The following NARS2 variants were observed in gnomAD, a reference collection of about 807,000 sequenced individuals.
The protein encoded by NARS2 is asparaginyl-tRNA synthetase.
Under a neutral mutation model 62.9 loss-of-function variants are expected in NARS2, and 60 were observed. The ratio of observed to expected loss-of-function variants is 0.95; its 90% CI spans 0.77 to 1.18. NARS2 has a LOEUF of 1.18. Among genes scored for constraint, NARS2 ranks in the 50% most tolerant of loss-of-function variants. The pLI is 0.00. For synonymous variants in NARS2, 196 were observed against 200.0 expected (o/e 0.98, Z 0.17); for missense variants, 619 against 576.4 (o/e 1.07, Z -0.76).
chr11:78,509,193 A>C (rs562267509), intron 6 of NARS2, among the ~76,000 whole-genome samples: 13 of 152,284 alleles, frequency 8.5e-5, no homozygotes, highest in Admixed American at 4.6e-4. Flanking sequence ...GATACATTCA[A>C]AGTGCTAAAA....
At chr11:78,449,716 A>G (rs1857897161) in intron 11 of NARS2, among the ~76,000 whole-genome samples, 2 of 152,264 alleles carry the variant, frequency 1.3e-5, no homozygotes, top group South Asian at 4.1e-4. Context: ...GGAGGCCTCA[A>G]CTGTGCACTG....
intron 12 of NARS2, among the ~76,000 whole-genome samples, chr11:78,441,844 T>C (rs968542180): frequency 7.2e-5 from 11 of 152,248 alleles, no homozygotes; most frequent in Non-Finnish European, 1.5e-4. Flanking sequence ...TGAGGCTGCC[T>C]TCATAATATG....
chr11:78,481,568 A>G (rs1848292606), intron 7 of NARS2, among the ~76,000 whole-genome samples: 1 of 152,196 alleles, frequency 6.6e-6, no homozygotes, highest in South Asian at 2.1e-4. Flanking sequence ...TTCCAGCAGA[A>G]TAAGAAAATC....
chr11:78,451,346 T>C (rs567228405), intron 11 of NARS2, among the ~76,000 whole-genome samples: 1 of 152,342 alleles, frequency 6.6e-6, no homozygotes, highest in East Asian at 1.9e-4. Context: ...GGCTAGTTAC[T>C]AGAAAAACTA....
intron 6 of NARS2, among the ~76,000 whole-genome samples, chr11:78,510,764 T>C (rs1443149589): frequency 6.6e-6 from 1 of 152,166 alleles, no homozygotes; most frequent in East Asian, 1.9e-4. Flanking sequence ...CTTAAAATGG[T>C]ACAACAAATG....
At chr11:78,457,336 C>T (rs1307408030) in intron 11 of NARS2, among the ~76,000 whole-genome samples, 2 of 152,174 alleles carry the variant, frequency 1.3e-5, no homozygotes, top group Admixed American at 6.5e-5. Context: ...ACACACCTGT[C>T]TTATTTTTTT....
intron 6 of NARS2, among the ~76,000 whole-genome samples, chr11:78,527,949 A>C (rs1440010881): frequency 6.6e-6 from 1 of 152,122 alleles, no homozygotes; most frequent in Non-Finnish European, 1.5e-5. Context: ...CCTCTACAAA[A>C]AATTTTAAAA....
intron 5 of NARS2, among the ~76,000 whole-genome samples, chr11:78,541,670 T>C (rs1213528363): frequency 1.3e-5 from 2 of 152,152 alleles, no homozygotes; most frequent in Non-Finnish European, 2.9e-5. Flanking sequence ...ATCATACCAC[T>C]GCACTCCAGC....
chr11:78,548,771 T>C (rs533210790), intron 5 of NARS2, among the ~76,000 whole-genome samples: 8 of 152,240 alleles, frequency 5.3e-5, no homozygotes, highest in East Asian at 1.9e-4. Context: ...CATTCCTCAG[T>C]GAAATGCGTA....
chr11:78,465,420 G>A (rs949614501), intron 11 of NARS2, among the ~76,000 whole-genome samples: 17 of 152,242 alleles, frequency 1.1e-4, no homozygotes, highest in African/African-American at 2.9e-4. Context: ...AGGAGGCGCC[G>A]AGAGCGAGAG....
At chr11:78,446,260 T>C (rs2135148954) in intron 11 of NARS2, among the ~76,000 whole-genome samples, 1 of 152,326 alleles carries the variant, frequency 6.6e-6, no homozygotes, top group South Asian at 2.1e-4. Context: ...AATTCAAGAT[T>C]GTACCCCCAG....
chr11:78,516,180 A>G (rs1247769706), intron 6 of NARS2, among the ~76,000 whole-genome samples: 1 of 152,234 alleles, frequency 6.6e-6, no homozygotes, highest in African/African-American at 2.4e-5. Context: ...AGTATAATAT[A>G]TCAAACATGA....
Position 78,515,686 on chromosome 11 carries a change from T to TAA in NARS2, c.689+13154_689+13155dup, listed in dbSNP as rs113972804. On this transcript the variant is annotated intron_variant, in intron 6 of 13. Transcript: ENST00000281038. ...GGGTGCACCACCATGCCTGGCTGATTAAAAAAAAAAAAACAAAACAATTTA... is the reference window on the plus strand; with the variant it reads ...GGGTGCACCACCATGCCTGGCTGATTAAAAAAAAAAAAAAACAAAACAATTTA... Among the ~76,000 whole-genome samples, 3 of 138,986 alleles carry TAA rather than the reference T, an allele frequency of 2.2e-5. No homozygotes were observed. The Admixed American group carries it at 2.2e-4, about 10-fold the overall frequency. 91.2% of individuals were successfully genotyped at this position (138,986 alleles called of 152,430 possible).
chr11:78,437,559 A>C (rs1485591040), intron 13 of NARS2, among the ~76,000 whole-genome samples: 2 of 152,192 alleles, frequency 1.3e-5, no homozygotes, highest in African/African-American at 2.4e-5. Flanking sequence ...GACATGACTG[A>C]AACTCAGATT....
chr11:78,464,664 T>C (rs937726242), intron 11 of NARS2, among the ~76,000 whole-genome samples: 2 of 150,718 alleles, frequency 1.3e-5, no homozygotes, highest in African/African-American at 4.9e-5. Context: ...CTAGATAGAG[T>C]GCTGATTGGT....
intron 2 of NARS2, among the ~76,000 whole-genome samples, chr11:78,569,965 G>A (rs1458014419): frequency 2.0e-5 from 3 of 152,170 alleles, no homozygotes; most frequent in Admixed American, 6.5e-5. Flanking sequence ...GAGGCAGGCA[G>A]ATCACTTGAG....
intron 5 of NARS2, among the ~76,000 whole-genome samples, chr11:78,550,937 T>C (rs1011714148): frequency 2.0e-5 from 3 of 152,176 alleles, no homozygotes; most frequent in African/African-American, 7.2e-5. Context: ...TGATACATAC[T>C]ACAATACTTT....
At chr11:78,459,730 G>T (rs1392073256) in intron 11 of NARS2, among the ~76,000 whole-genome samples, 1 of 152,170 alleles carries the variant, frequency 6.6e-6, no homozygotes, top group Non-Finnish European at 1.5e-5. Context: ...TCCCGTCTTG[G>T]GTATGTCTTT....
intron 11 of NARS2, 49 bp from the exon 12 acceptor site, chr11:78,443,807 ACAGT>A (rs945964624): frequency 1.5e-6 from 2 of 1,378,226 alleles, no homozygotes; most frequent in Non-Finnish European, 2.0e-6. Flanking sequence ...GGTGATTCCA[ACAGT>A]CAGTTTCTGA....
Sources: gnomAD v4.1 joint callset for allele counts (sites outside exome capture counted in the v4.1 genomes callset) on GRCh38, gnomAD v4.1.1 for gene constraint, MANE v1.5 for transcripts, NCBI Gene and HGNC (gene_info 2026-07-23, HGNC 2026-07-21) for gene names.